The following MYL3 variants were observed in gnomAD, a reference collection of about 807,000 sequenced individuals.
MYL3 encodes the protein myosin light chain 3, also known as CMLC1.
A neutral mutation model predicts 21.3 loss-of-function variants in MYL3; 11 were observed. The observed-to-expected ratio is 0.52, with a 90% confidence interval of 0.32 to 0.85. The LOEUF (loss-of-function observed/expected upper bound fraction) is 0.85. Ranked by LOEUF, MYL3 falls within the 40% of genes least tolerant of loss-of-function variation. MYL3 has a pLI of 0.03. For synonymous variants in MYL3, 88 were observed against 91.6 expected (o/e 0.96, Z 0.22); for missense variants, 206 against 253.3 (o/e 0.81, Z 1.27).
At chr3:46,862,356 G>A (rs1702001206) in intron 1 of MYL3, among the ~76,000 whole-genome samples, 1 of 152,222 alleles carries the variant, frequency 6.6e-6, no homozygotes, top group Admixed American at 6.5e-5. Context: ...GAAGAACTTG[G>A]CAACTAAAAT....
Position 46,859,412 on chromosome 3 carries a change from C to CAG in MYL3, c.481+61_481+62dup. ...AATGGGTCACAGGCCTGGGGGGCAA[C>CAG]AGAGTGGTTTCTCCCAGGATGTCCC... On this transcript the variant is annotated intron_variant, in intron 4 of 6. Transcript: ENST00000292327. This position sits in a 1 kb window ranked among gnomAD's most constrained non-coding sequence, Gnocchi z 4.1. The CAG allele has an allele frequency of 6.2e-7, 1 of 1,606,750 alleles. No homozygotes were observed. Among genetic ancestry groups the CAG allele is most frequent in the Non-Finnish European group, 8.5e-7 (1 of 1,174,702 alleles).
intron 1 of MYL3, among the ~76,000 whole-genome samples, chr3:46,875,388 G>T (rs773320600): frequency 3.1e-4 from 47 of 152,176 alleles, no homozygotes; most frequent in Non-Finnish European, 6.2e-4. Context: ...CACTGCCAGG[G>T]AGTGGACTGT....
Position 46,858,439 on chromosome 3 carries a change from T to G in MYL3, c.504A>C (p.Glu168Asp). Residue 168 changes from glutamate to aspartate, a missense_variant, in exon 5 of 7, where the codon GAA becomes GAC. Glu to Asp is a conservative substitution (Grantham distance 45). Transcript: ENST00000292327. ...CTTGCCCAGCCATCAACTTCTCCAC[T>G]TCGTCTTCTGTCAGCCTCTCACCTG... The part of the protein sequence containing the change: ...ATLGERLTED[E>D]VEKLMAGQED... The G allele has an allele frequency of 6.2e-7, 1 of 1,613,740 alleles. No individual in the cohort carries two copies. The highest frequency in any genetic ancestry group is 8.5e-7 in the Non-Finnish European group (1 of 1,179,980).
upstream of MYL3, among the ~76,000 whole-genome samples, chr3:46,867,992 A>G (rs1702064885): frequency 6.6e-6 from 1 of 152,214 alleles, no homozygotes; most frequent in South Asian, 2.1e-4. Flanking sequence ...AGAGCTGCCC[A>G]GCAATTCTGA....
In MYL3 at chr3:46,860,790, G is replaced by A. The variant is rs730880960; in HGVS notation, c.193C>T (p.Pro65Ser). ...TAGGTGATCTTCATCTCACACTTGG[G>A]TGTGCGGTCGAACAGCATGAAGGCT... ...KEAFMLFDRT[P>S]KCEMKITYGQ... is the part of the protein sequence containing the mutation. The change falls in exon 3 of 7, where the codon CCC becomes TCC. Residue 65 changes from proline (P) to serine (S), a missense_variant. By Grantham distance (74) the Pro-to-Ser change is moderately conservative. Coordinates refer to ENST00000292327, the MANE Select transcript of MYL3 (RefSeq NM_000258.3). This position sits in a 1 kb window ranked among gnomAD's most constrained non-coding sequence, Gnocchi z 4.6. The A allele has an allele frequency of 1.2e-6, 2 of 1,614,000 alleles. No homozygotes were observed. The highest frequency in any genetic ancestry group is 1.7e-6 in the Non-Finnish European group (2 of 1,180,028).
In MYL3 at chr3:46,874,832, C is replaced by A. The variant is rs1214980923; in HGVS notation, c.-218+7242G>T. On this transcript the variant is annotated intron_variant, in intron 1 of 3. Transcript: ENST00000431168. The surrounding 1 kb of genome is among the most constrained non-coding windows in gnomAD (Gnocchi z 4.1). ...CCAGAAGGCGTCTGGGAAACAGGAC[C>A]CGCTTTGGACCCCCAACCAGTGTCC... Among the ~76,000 whole-genome samples, 3 of 152,132 alleles carry A rather than the reference C, an allele frequency of 2.0e-5. No homozygotes were observed. The highest frequency in any genetic ancestry group is 7.2e-5 in the African/African-American group (3 of 41,416).
In MYL3 at chr3:46,860,668, T is replaced by C. The variant is rs1176894017; in HGVS notation, c.307+8A>G. ...AACACTATGGGGGCTCTCGGGCAGG[T>C]GCACTACCTTCCTGTCTTGGCTTCC... On this transcript the variant is annotated splice_region_variant and intron_variant, in intron 3 of 6. Transcript: ENST00000292327. The surrounding 1 kb of genome is among the most constrained non-coding windows in gnomAD (Gnocchi z 4.6). The C allele has an allele frequency of 6.2e-7, 1 of 1,613,152 alleles. No homozygotes were observed. The highest frequency in any genetic ancestry group is 1.1e-5 in the South Asian group (1 of 91,078).
chr3:46,862,628 ACT>A (rs893597455), intron 1 of MYL3, among the ~76,000 whole-genome samples: 1 of 151,788 alleles, frequency 6.6e-6, no homozygotes, highest in Non-Finnish European at 1.5e-5. Flanking sequence ...CCAAGTTTAG[ACT>A]CTGAGAAAGA....
Position 46,860,901 on chromosome 3 carries a change from C to A in MYL3, c.157+59G>T, listed in dbSNP as rs1393148606. ...CACTCCCCACACCCCTGGCAGGACC[C>A]TCAGACCAGGGAACCCCAGCCCAAT... On this transcript the variant is annotated intron_variant, in intron 2 of 6. Transcript: ENST00000292327. This position sits in a 1 kb window ranked among gnomAD's most constrained non-coding sequence, Gnocchi z 4.6. 6.2e-7 allele frequency: 1 copy of A among 1,614,058 alleles called. No individual in the cohort carries two copies.
intron 4 of MYL3, among the ~76,000 whole-genome samples, chr3:46,858,694 G>A (rs1260212047): frequency 1.3e-5 from 2 of 152,170 alleles, no homozygotes; most frequent in African/African-American, 4.8e-5. Flanking sequence ...GGCTGGGAGG[G>A]GGTCCCTCCG....
At chr3:46,858,167 G>C in intron 6 of MYL3, 64 bp downstream of exon 6, 2 of 1,542,698 alleles carry the variant, frequency 1.3e-6, no homozygotes, top group East Asian at 2.2e-5. Flanking sequence ...TGTCAAGTGA[G>C]CACTGCAGCT....
At chr3:46,863,221 T>C in intron 1 of MYL3, 41 bp downstream of exon 1, 1 of 1,612,944 alleles carries the variant, frequency 6.2e-7, no homozygotes, top group Non-Finnish European at 8.5e-7. Context: ...ATCCACTCAC[T>C]TGCCCTGCTC....
chr3:46,878,663 A>AGCAAG (rs1381228893), intron 1 of MYL3, among the ~76,000 whole-genome samples: 1 of 152,148 alleles, frequency 6.6e-6, no homozygotes, highest in Non-Finnish European at 1.5e-5. Context: ...CAGACAGCTG[A>AGCAAG]GCCTCTTGCC....
chr3:46,878,347 G>A (rs2030356856), intron 1 of MYL3, among the ~76,000 whole-genome samples: 1 of 152,054 alleles, frequency 6.6e-6, no homozygotes, highest in African/African-American at 2.4e-5. Context: ...TTTCCAGAGG[G>A]GCCTAGAAGC....
At chr3:46,871,364 G>A (rs904413969) in intron 1 of MYL3, among the ~76,000 whole-genome samples, 10 of 152,128 alleles carry the variant, frequency 6.6e-5, no homozygotes, top group Non-Finnish European at 1.3e-4. Context: ...CCCAAGCAGA[G>A]TAGCTGAGCC....
rs1259165957 is a variant in MYL3 at position 46,879,697 on chromosome 3, T to A, written c.-218+2377A>T. On this transcript the variant is annotated intron_variant, in intron 1 of 3. Transcript: ENST00000431168. This position sits in a 1 kb window ranked among gnomAD's most constrained non-coding sequence, Gnocchi z 4.7. ...AGGAGGTCAAGGCTGCTGTGAGCCATGACCGTGCCACTGCACTCCAGCCTG... is the reference window on the plus strand; with the variant it reads ...AGGAGGTCAAGGCTGCTGTGAGCCAAGACCGTGCCACTGCACTCCAGCCTG... Among the ~76,000 whole-genome samples the A allele has an allele frequency of 7.9e-5, 12 of 152,058 alleles. 1 individual carries two copies. The East Asian group carries it at 2.3e-3, about 29-fold the overall frequency.
Position 46,859,765 on chromosome 3 carries a change from C to T in MYL3, c.308-117G>A. The stretch of plus-strand genomic sequence containing the variant: ...TCACACAGTTCTACAACAGTCTACA[C>T]CAGTTCTCACAGCAGTCTACACCAG... On this transcript the variant is annotated intron_variant, in intron 3 of 6. Coordinates refer to ENST00000292327, the MANE Select transcript of MYL3 (RefSeq NM_000258.3). This position sits in a 1 kb window ranked among gnomAD's most constrained non-coding sequence, Gnocchi z 4.1. 1 of 1,209,914 alleles carries T rather than the reference C, an allele frequency of 8.3e-7. No individual in the cohort carries two copies. The highest frequency in any genetic ancestry group is 2.3e-5 in the East Asian group (1 of 42,930). The allele number at this position is 1,209,914 out of a possible 1,614,324, so 74.9% of individuals were successfully genotyped here.
At chr3:46,864,459 G>A (rs1377175504), upstream of MYL3, among the ~76,000 whole-genome samples, 1 of 151,914 alleles carries the variant, frequency 6.6e-6, no homozygotes, top group Non-Finnish European at 1.5e-5. This position sits in a 1 kb window ranked among gnomAD's most constrained non-coding sequence, Gnocchi z 4.7. Context: ...CTCTCTACAG[G>A]CCCCAGGGAT....
At position 46,874,623 on chromosome 3, in the gene MYL3, G is replaced by A. The variant is rs1382112215; in HGVS notation, c.-218+7451C>T. Among the ~76,000 whole-genome samples the A allele has an allele frequency of 2.0e-5, 3 of 152,148 alleles. No individual in the cohort carries two copies. In the East Asian group the frequency reaches 5.8e-4, roughly 29 times the overall value. Reference sequence around the variant, plus strand: ...TTGAGTTTAAGAAAACTTTGCAGTCGGCAGGAGCTCTTAAAGGTTATAAAT... The same window carrying A: ...TTGAGTTTAAGAAAACTTTGCAGTCAGCAGGAGCTCTTAAAGGTTATAAAT... On this transcript the variant is annotated intron_variant, in intron 1 of 3. Transcript: ENST00000431168. This position sits in a 1 kb window ranked among gnomAD's most constrained non-coding sequence, Gnocchi z 4.1.
Sources: gnomAD v4.1 joint callset for allele counts (sites outside exome capture counted in the v4.1 genomes callset) on GRCh38, gnomAD v4.1.1 for gene constraint, Gnocchi (gnomAD v3.1) non-coding constraint, MANE v1.5 for transcripts, NCBI Gene and HGNC (gene_info 2026-07-23, HGNC 2026-07-21) for gene names.